TMEM273: variants seen among roughly 807,000 people sequenced by gnomAD.
TMEM273 encodes transmembrane protein 273, also known as chromosome 10 open reading frame 128.
TMEM273 carries 19 observed loss-of-function variants against 17.9 expected under a neutral mutation model. The ratio of observed to expected loss-of-function variants is 1.06; its 90% CI spans 0.74 to 1.55. The LOEUF is 1.55. Among genes scored for constraint, TMEM273 ranks in the 40% most tolerant of loss-of-function variants. TMEM273 has a pLI of 0.00. For synonymous variants in TMEM273, 66 were observed against 62.0 expected, an observed-to-expected ratio of 1.07 and a Z score of -0.31; for missense variants, 194 against 155.6, an observed-to-expected ratio of 1.25 and a Z score of -1.31.
chr10:49,186,937 G>C (rs1847763316), intron 1 of TMEM273, among the ~76,000 whole-genome samples: 1 of 152,176 alleles, frequency 6.6e-6, no homozygotes, highest in Admixed American at 6.5e-5. Flanking sequence ...AAAAATGCGA[G>C]GAGGTGTTAG....
intron 1 of TMEM273, among the ~76,000 whole-genome samples, chr10:49,170,471 T>A (rs1279133675): frequency 6.6e-6 from 1 of 152,172 alleles, no homozygotes; most frequent in Admixed American, 6.5e-5. Flanking sequence ...CACCATCCTC[T>A]ATGTCCCATC....
chr10:49,173,013 A>G (rs1036609343), intron 1 of TMEM273, among the ~76,000 whole-genome samples: 8 of 152,196 alleles, frequency 5.3e-5, no homozygotes. Flanking sequence ...AGTGACACCT[A>G]ACTCAGAGCC....
intron 5 of TMEM273, among the ~76,000 whole-genome samples, chr10:49,164,371 C>A (rs1363292722): frequency 6.6e-6 from 1 of 152,202 alleles, no homozygotes; most frequent in Non-Finnish European, 1.5e-5. Flanking sequence ...TCCACCTGGA[C>A]TTACTCCAGC....
chr10:49,155,676 T>G lies in TMEM273; in HGVS notation c.*216A>C. On this transcript the variant is annotated 3_prime_UTR_variant, in exon 7 of 7. Transcript: ENST00000374153. ...AGGCTAAATTGCTCAATCCTTCCTC[T>G]GTGCAGTCCGTTTCTTCCAGAAGAG... is the stretch of plus-strand genomic sequence containing the variant. 1 of 648,514 alleles carries G rather than the reference T, an allele frequency of 1.5e-6. No individual in the cohort carries two copies. Among genetic ancestry groups the G allele is most frequent in the Admixed American group, 2.9e-5 (1 of 34,750 alleles). 40.2% of individuals were successfully genotyped at this position (648,514 alleles called of 1,614,324 possible). A position where few individuals can be genotyped will look rare whatever the true frequency, so the allele number is the denominator to read the frequency against.
chr10:49,167,116 C>T, intron 2 of TMEM273, 107 bp from the exon 3 acceptor site: 1 of 1,472,980 alleles, frequency 6.8e-7, no homozygotes, highest in Admixed American at 1.9e-5. Context: ...CACCACCTCC[C>T]ACTGGCTGAG....
intron 6 of TMEM273, among the ~76,000 whole-genome samples, chr10:49,159,196 TA>T (rs1451648507): frequency 6.6e-6 from 1 of 152,146 alleles, no homozygotes; most frequent in African/African-American, 2.4e-5. Flanking sequence ...ATTAAAATTT[TA>T]AAAGATTAAA....
chr10:49,179,525 A>C (rs1027979087), intron 1 of TMEM273, among the ~76,000 whole-genome samples: 13 of 152,236 alleles, frequency 8.5e-5, no homozygotes, highest in Admixed American at 5.9e-4. Context: ...AACTCTTTTC[A>C]AACTTACTTT....
intron 1 of TMEM273, among the ~76,000 whole-genome samples, chr10:49,183,471 T>C (rs1847478161): frequency 6.6e-6 from 1 of 152,162 alleles, no homozygotes; most frequent in African/African-American, 2.4e-5. Context: ...TTTGTACTAT[T>C]TTTATTCTTA....
chr10:49,186,666 T>G (rs557226505), intron 1 of TMEM273, among the ~76,000 whole-genome samples: 178 of 152,240 alleles, frequency 1.2e-3, no homozygotes, highest in Non-Finnish European at 2.0e-3. Context: ...ATTAATTCTT[T>G]GTCCAAGTTT....
At chr10:49,162,514 C>A (rs116580286) in intron 5 of TMEM273, among the ~76,000 whole-genome samples, 4,405 of 152,322 alleles carry the variant, frequency 0.029, 217 homozygotes, top group African/African-American at 0.098. Flanking sequence ...CAAAGTCCCC[C>A]TCAATGTGTG....
chr10:49,164,421 A>C (rs1462298405), intron 5 of TMEM273, among the ~76,000 whole-genome samples: 1 of 152,138 alleles, frequency 6.6e-6, no homozygotes, highest in Non-Finnish European at 1.5e-5. Context: ...CCGGGCTTCC[A>C]GCACATCTTC....
intron 6 of TMEM273, chr10:49,160,236 T>G (rs1335596890): frequency 6.6e-6 from 1 of 152,166 alleles, no homozygotes; most frequent in Non-Finnish European, 1.5e-5. Flanking sequence ...GAGGGGAAAA[T>G]TCTAATTTCT....
intron 1 of TMEM273, among the ~76,000 whole-genome samples, chr10:49,185,436 G>C (rs1590261782): frequency 2.6e-5 from 4 of 151,986 alleles, no homozygotes; most frequent in Middle Eastern, 3.4e-3. Flanking sequence ...CATACACCCT[G>C]GGTGACTGGC....
chr10:49,175,781 C>T (rs1051117008), intron 1 of TMEM273, among the ~76,000 whole-genome samples: 11 of 152,298 alleles, frequency 7.2e-5, no homozygotes, highest in Middle Eastern at 3.4e-3. Flanking sequence ...CTGAGCCACA[C>T]CTGGGAAGGG....
At chr10:49,174,796 C>T (rs56081724) in intron 1 of TMEM273, among the ~76,000 whole-genome samples, 24,829 of 152,142 alleles carry the variant, frequency 0.16, 2,433 homozygotes, top group Non-Finnish European at 0.24. Context: ...AGACAATATG[C>T]GTGGTGTCAG....
chr10:49,162,204 T>C (rs1471128623), intron 5 of TMEM273, among the ~76,000 whole-genome samples: 1 of 152,188 alleles, frequency 6.6e-6, no homozygotes, highest in Non-Finnish European at 1.5e-5. Flanking sequence ...TCAGCAGTGT[T>C]TTCAAATGGG....
chr10:49,161,642 G>C lies in TMEM273; in HGVS notation c.349-20C>G, dbSNP rs766811457. The stretch of plus-strand genomic sequence containing the variant: ...TTTCGCCTGCAAAACAAGATAAAAG[G>C]GTGTTCATTGCCTAAGCCTTAGAAG... On this transcript the variant is annotated intron_variant, in intron 5 of 6. Transcript: ENST00000374153. The C allele has an allele frequency of 4.3e-6, 7 of 1,614,042 alleles. No homozygotes were observed. Among genetic ancestry groups the C allele is most frequent in the Non-Finnish European group, 5.9e-6 (7 of 1,180,008 alleles).
chr10:49,180,293 G>C (rs955221972), intron 1 of TMEM273, among the ~76,000 whole-genome samples: 3 of 152,168 alleles, frequency 2.0e-5, no homozygotes, highest in Non-Finnish European at 4.4e-5. Context: ...GTGCTAAAGG[G>C]GAAGCCCACC....
chr10:49,167,799 T>C, intron 2 of TMEM273, 110 bp downstream of exon 2: 9 of 1,416,864 alleles, frequency 6.4e-6, no homozygotes, highest in Non-Finnish European at 8.9e-6. Context: ...CCTTTTCCTA[T>C]GCTGACAGCA....
Sources: allele counts gnomAD v4.1 joint callset (sites outside exome capture counted in the v4.1 genomes callset), GRCh38; gene constraint gnomAD v4.1.1; transcripts MANE v1.5; gene names NCBI Gene and HGNC (gene_info 2026-07-23, HGNC 2026-07-21).